The following RARB variants were observed in gnomAD, a reference collection of about 807,000 sequenced individuals.
The protein encoded by RARB is HBV-activated protein.
In RARB, 17 loss-of-function variants were observed where a neutral mutation model predicts 51.9. The observed-to-expected ratio is 0.33, with a 90% CI of 0.22 to 0.49. The LOEUF (loss-of-function observed/expected upper bound fraction) is 0.49, where lower values mean the gene tolerates loss of function less well. Among genes scored for constraint, RARB ranks in the 20% least tolerant of loss-of-function variants. The pLI is 0.99. For synonymous variants in RARB, 215 were observed against 195.4 expected, an observed-to-expected ratio of 1.10 and a Z score of -0.84; for missense variants, 369 against 550.8, an observed-to-expected ratio of 0.67 and a Z score of 3.30.
chr3:25,190,520 C>A (rs1701077004), intron 5 of RARB, among the ~76,000 whole-genome samples: 1 of 152,072 alleles, frequency 6.6e-6, no homozygotes, highest in African/African-American at 2.4e-5. Context: ...TTTGAGGTCA[C>A]AATGTGCCAA....
intron 2 of RARB, among the ~76,000 whole-genome samples, chr3:25,011,373 AG>A (rs1419650798): frequency 6.6e-6 from 1 of 152,158 alleles, no homozygotes; most frequent in African/African-American, 2.4e-5. Context: ...GAGGTGAGGG[AG>A]CAAACCATGT....
At chr3:25,075,455 G>T (rs1698852893) in intron 3 of RARB, among the ~76,000 whole-genome samples, 1 of 152,054 alleles carries the variant, frequency 6.6e-6, no homozygotes, top group South Asian at 2.1e-4. Context: ...GCTGAGCCTG[G>T]GGCATTCCTG....
At chr3:24,971,535 T>C (rs1166166364) in intron 2 of RARB, among the ~76,000 whole-genome samples, 1 of 152,066 alleles carries the variant, frequency 6.6e-6, no homozygotes, top group Non-Finnish European at 1.5e-5. Context: ...ATGATGTTTC[T>C]ACATTTTTAA....
chr3:24,851,459 A>T (rs1484414633), intron 1 of RARB, among the ~76,000 whole-genome samples: 4 of 150,796 alleles, frequency 2.7e-5, no homozygotes, highest in African/African-American at 9.8e-5. Context: ...TTGTGGCCCG[A>T]TTAGGTGATA....
chr3:25,473,904 T>G (rs1181616186), intron 2 of RARB, among the ~76,000 whole-genome samples: 3 of 119,880 alleles, frequency 2.5e-5, no homozygotes, highest in Non-Finnish European at 5.0e-5. Flanking sequence ...TATGGAGGTA[T>G]TTTCTATGTC....
At chr3:25,464,190 G>A (rs907285372) in intron 2 of RARB, among the ~76,000 whole-genome samples, 13 of 152,068 alleles carry the variant, frequency 8.5e-5, no homozygotes, top group African/African-American at 4.8e-5. Flanking sequence ...GTAACTCAGC[G>A]TACCTGCTCT....
chr3:25,119,839 AAATG>A lies in RARB; in HGVS notation c.-327-12317_-327-12314del, dbSNP rs765786624. Among the ~76,000 whole-genome samples the A allele has an allele frequency of 3.9e-5, 6 of 152,282 alleles. No individual in the cohort carries two copies. The East Asian group carries it at 9.6e-4, about 24-fold the overall frequency. ...TGGTGGTCTGTATTTTATCACCGAAAAATGAATGGGCATTTGCACTTTTAAAAAA... is the reference window on the plus strand; with the variant it reads ...TGGTGGTCTGTATTTTATCACCGAAAAATGGGCATTTGCACTTTTAAAAAA... On this transcript the variant is annotated intron_variant, in intron 3 of 11. Coordinates refer to the RARB transcript ENST00000383772.
At chr3:25,521,385 G>A (rs946406250) in intron 3 of RARB, among the ~76,000 whole-genome samples, 1 of 152,168 alleles carries the variant, frequency 6.6e-6, no homozygotes, top group Non-Finnish European at 1.5e-5. Flanking sequence ...CATCACACAC[G>A]TTCCTGTTTC....
intron 3 of RARB, among the ~76,000 whole-genome samples, chr3:25,089,137 C>A (rs1037926725): frequency 7.9e-5 from 12 of 151,374 alleles, no homozygotes; most frequent in African/African-American, 2.9e-4. Context: ...ATAGAGTGAG[C>A]CGATTTTTTT....
At chr3:25,363,260 G>C (rs1706009157) in intron 5 of RARB, among the ~76,000 whole-genome samples, 2 of 152,148 alleles carry the variant, frequency 1.3e-5, no homozygotes, top group South Asian at 4.1e-4. Context: ...CGTAGGCTGT[G>C]GGGCTAGTCT....
chr3:24,971,897 T>A (rs1696406641), intron 2 of RARB, among the ~76,000 whole-genome samples: 4 of 152,028 alleles, frequency 2.6e-5, no homozygotes, highest in Admixed American at 2.6e-4. Context: ...TATTGATACA[T>A]AATGGATGTA....
intron 2 of RARB, among the ~76,000 whole-genome samples, chr3:24,995,555 A>G (rs1697003195): frequency 6.6e-6 from 1 of 152,078 alleles, no homozygotes; most frequent in Admixed American, 6.6e-5. Flanking sequence ...CAGTTCTTAG[A>G]GGAAAATCTT....
intron 2 of RARB, among the ~76,000 whole-genome samples, chr3:25,492,380 C>A (rs2125593671): frequency 6.6e-6 from 1 of 152,308 alleles, no homozygotes; most frequent in Admixed American, 6.5e-5. Flanking sequence ...TCTTCCCTGG[C>A]TCATGTTCCT....
chr3:25,416,542 A>C (rs116398320), intron 5 of RARB, among the ~76,000 whole-genome samples: 111 of 152,362 alleles, frequency 7.3e-4, no homozygotes, highest in African/African-American at 2.5e-3. Context: ...GAATGCTTAC[A>C]GTCAGCAAGT....
chr3:24,918,002 A>G (rs927866941), intron 2 of RARB, among the ~76,000 whole-genome samples: 3 of 152,272 alleles, frequency 2.0e-5, no homozygotes, highest in African/African-American at 4.8e-5. Context: ...CGGTTTTCTG[A>G]AATGTTAAAT....
chr3:24,981,316 G>A (rs1034338418), intron 2 of RARB, among the ~76,000 whole-genome samples: 4 of 152,032 alleles, frequency 2.6e-5, no homozygotes, highest in African/African-American at 4.8e-5. Flanking sequence ...TGTCAGGCAG[G>A]GGGGCTTAAG....
intron 2 of RARB, among the ~76,000 whole-genome samples, chr3:25,489,252 T>C (rs976237659): frequency 5.9e-5 from 9 of 152,240 alleles, no homozygotes; most frequent in Admixed American, 3.3e-4. Flanking sequence ...ATAATATAGC[T>C]ACTTTAATTT....
chr3:24,879,066 A>AT (rs1232563258), intron 2 of RARB, among the ~76,000 whole-genome samples: 9 of 151,678 alleles, frequency 5.9e-5, no homozygotes, highest in South Asian at 4.1e-4. Context: ...TGTTTTATAT[A>AT]TTTTTTTTCT....
chr3:25,250,151 G>T (rs532574818), intron 5 of RARB, among the ~76,000 whole-genome samples: 1 of 152,160 alleles, frequency 6.6e-6, no homozygotes, highest in Non-Finnish European at 1.5e-5. Flanking sequence ...TGTACAGGTG[G>T]TGCCAGCTGT....
Sources: allele counts gnomAD v4.1 joint callset (sites outside exome capture counted in the v4.1 genomes callset), GRCh38; gene constraint gnomAD v4.1.1; transcripts MANE v1.5; gene names NCBI Gene and HGNC (gene_info 2026-07-23, HGNC 2026-07-21).